Variants in ATP6V1G3 observed in about 807,000 individuals in gnomAD.
ATP6V1G3 encodes V-type proton ATPase subunit G 3.
Under a neutral mutation model 9.3 loss-of-function variants are expected in ATP6V1G3, and 9 were observed. That is an observed-to-expected ratio of 0.97 (90% CI 0.59 to 1.69). ATP6V1G3 has a LOEUF of 1.69. ATP6V1G3 is among the 40% of genes most tolerant of loss of function. The probability of loss-of-function intolerance (pLI) is 0.00; values close to 1 mark genes in which losing one functional copy is unlikely to be tolerated. For missense variants in ATP6V1G3, 133 were observed against 139.0 expected, an observed-to-expected ratio of 0.96 and a Z score of 0.22; for synonymous variants, 43 against 43.8, an observed-to-expected ratio of 0.98 and a Z score of 0.07.
intron 2 of ATP6V1G3, among the ~76,000 whole-genome samples, chr1:198,528,045 A>T (rs990529038): frequency 1.3e-5 from 2 of 152,168 alleles, no homozygotes; most frequent in Admixed American, 1.3e-4. Context: ...CAATATGGCT[A>T]GAACAGAACT....
At chr1:198,525,309 T>A (rs1383331384) in intron 2 of ATP6V1G3, among the ~76,000 whole-genome samples, 1 of 152,182 alleles carries the variant, frequency 6.6e-6, no homozygotes, top group Non-Finnish European at 1.5e-5. Context: ...AAACAAACTG[T>A]TGTGAAACTA....
intron 1 of ATP6V1G3, among the ~76,000 whole-genome samples, chr1:198,533,093 C>G (rs1319310619): frequency 2.0e-5 from 3 of 152,094 alleles, no homozygotes; most frequent in Middle Eastern, 3.4e-3. Flanking sequence ...ATCATGAGGT[C>G]AAGAGATCGA....
intron 1 of ATP6V1G3, among the ~76,000 whole-genome samples, chr1:198,536,231 T>C (rs1043990111): frequency 1.3e-5 from 2 of 152,202 alleles, no homozygotes; most frequent in Non-Finnish European, 2.9e-5. Context: ...TATAGGGTTT[T>C]AAAAGTTTGC....
chr1:198,523,967 AC>A (rs1659553163), intron 2 of ATP6V1G3, among the ~76,000 whole-genome samples: 2 of 152,056 alleles, frequency 1.3e-5, no homozygotes, highest in African/African-American at 4.8e-5. Context: ...CATTAAACTC[AC>A]TTTTGCTGTT....
intron 1 of ATP6V1G3, among the ~76,000 whole-genome samples, chr1:198,529,538 T>C (rs1050501663): frequency 6.6e-6 from 1 of 152,080 alleles, no homozygotes; most frequent in Non-Finnish European, 1.5e-5. Context: ...ATTTTAGCTG[T>C]CACTTACTCA....
chr1:198,527,239 C>T (rs189450688), intron 2 of ATP6V1G3, among the ~76,000 whole-genome samples: 217 of 152,230 alleles, frequency 1.4e-3, no homozygotes, highest in Non-Finnish European at 2.1e-3. Context: ...AAGATCTGTG[C>T]TAATGGTTTT....
In ATP6V1G3 at chr1:198,540,672, G is replaced by A. The variant is rs762421187; in HGVS notation, c.-22C>T. 1 of 1,606,888 alleles carries A rather than the reference G, an allele frequency of 6.2e-7. No individual in the cohort carries two copies. Among genetic ancestry groups the A allele is most frequent in the South Asian group, 1.1e-5 (1 of 90,912 alleles). The stretch of plus-strand genomic sequence containing the variant: ...TCATGGTAGTCTGCTCCAAGCAAGT[G>A]GCTTCTGTGAAATCTGGGAAGTAAT... On this transcript the variant is annotated 5_prime_UTR_variant, in exon 1 of 3. Coordinates refer to ENST00000367382, the MANE Select transcript of ATP6V1G3 (RefSeq NM_001376861.1).
intron 1 of ATP6V1G3, among the ~76,000 whole-genome samples, chr1:198,535,684 CTT>C (rs1660082124): frequency 6.6e-6 from 1 of 151,898 alleles, no homozygotes; most frequent in African/African-American, 2.4e-5. Context: ...TGTTTTAAGT[CTT>C]TTATAAGAGT....
intron 2 of ATP6V1G3, among the ~76,000 whole-genome samples, chr1:198,523,797 T>C (rs948795569): frequency 2.0e-5 from 3 of 152,208 alleles, no homozygotes; most frequent in African/African-American, 7.2e-5. Flanking sequence ...AACCTCCACA[T>C]GGTACAAATT....
intron 1 of ATP6V1G3, among the ~76,000 whole-genome samples, chr1:198,539,813 C>T (rs995296607): frequency 2.6e-5 from 4 of 152,206 alleles, no homozygotes; most frequent in Admixed American, 6.5e-5. Context: ...TTTCTGCATA[C>T]ATTGGGAATA....
intron 2 of ATP6V1G3, among the ~76,000 whole-genome samples, chr1:198,526,369 A>G (rs980719710): frequency 1.3e-5 from 2 of 152,206 alleles, no homozygotes; most frequent in Non-Finnish European, 2.9e-5. Context: ...TGTATTGAGT[A>G]GAATGATTAG....
intron 2 of ATP6V1G3, among the ~76,000 whole-genome samples, chr1:198,524,016 T>A (rs924828996): frequency 1.3e-5 from 2 of 152,186 alleles, no homozygotes; most frequent in African/African-American, 4.8e-5. Context: ...CAGTTGCTGG[T>A]TTTTAAAGAG....
At chr1:198,527,415 T>C (rs896327957) in intron 2 of ATP6V1G3, among the ~76,000 whole-genome samples, 5 of 152,140 alleles carry the variant, frequency 3.3e-5, no homozygotes, top group Admixed American at 1.3e-4. Flanking sequence ...GAACAAGATA[T>C]ATATATCTGA....
intron 2 of ATP6V1G3, among the ~76,000 whole-genome samples, chr1:198,527,847 TA>T (rs1227284372): frequency 1.3e-5 from 2 of 152,170 alleles, no homozygotes; most frequent in African/African-American, 4.8e-5. Context: ...AAGAGTGGAC[TA>T]CAATAGGTAT....
rs1187855811 is a variant in ATP6V1G3, at chr1:198,527,301, G to C, written c.183+1780C>G. 2.6e-5 allele frequency among the ~76,000 whole-genome samples: 4 copies of C among 152,126 alleles called. No individual in the cohort carries two copies. The East Asian group carries it at 7.7e-4, about 29-fold the overall frequency. On this transcript the variant is annotated intron_variant, in intron 2 of 2. Coordinates refer to ENST00000367382, the MANE Select transcript of ATP6V1G3 (RefSeq NM_001376861.1). ...TAAATATGCTGACCTTTCTATGTGAGCTTTTGATCAAATAACTGTAAAATT... is the reference window on the plus strand; with the variant it reads ...TAAATATGCTGACCTTTCTATGTGACCTTTTGATCAAATAACTGTAAAATT...
chr1:198,525,193 T>C (rs1659607325), intron 2 of ATP6V1G3, among the ~76,000 whole-genome samples: 1 of 152,200 alleles, frequency 6.6e-6, no homozygotes, highest in Non-Finnish European at 1.5e-5. Context: ...AAAATGGCTC[T>C]ACCAAGCTCA....
intron 1 of ATP6V1G3, chr1:198,536,807 C>CA: frequency 9.4e-7 from 1 of 1,067,112 alleles, no homozygotes; most frequent in East Asian, 2.4e-5. Context: ...CAGTAACATA[C>CA]AAAAATACAT....
intron 1 of ATP6V1G3, among the ~76,000 whole-genome samples, chr1:198,530,822 CTGTT>C (rs1380294652): frequency 6.6e-6 from 1 of 152,018 alleles, no homozygotes; most frequent in African/African-American, 2.4e-5. Flanking sequence ...TTTCTTCTAT[CTGTT>C]TGTCATTTAC....
At chr1:198,525,740 A>G (rs1374015795) in intron 2 of ATP6V1G3, among the ~76,000 whole-genome samples, 2 of 152,154 alleles carry the variant, frequency 1.3e-5, no homozygotes, top group African/African-American at 4.8e-5. Context: ...CTTATAGCAC[A>G]TCTTGATTGG....
Sources: allele counts gnomAD v4.1 joint callset (sites outside exome capture counted in the v4.1 genomes callset), GRCh38; gene constraint gnomAD v4.1.1; transcripts MANE v1.5; gene names NCBI Gene and HGNC (gene_info 2026-07-23, HGNC 2026-07-21).